SCARA3: variants seen among roughly 807,000 people sequenced by gnomAD.
The protein encoded by SCARA3 is scavenger receptor class A member 3.
A neutral mutation model predicts 47.0 loss-of-function variants in SCARA3; 39 were observed. That is an observed-to-expected ratio of 0.83 (90% CI 0.64 to 1.08). The LOEUF is 1.08. Among genes scored for constraint, SCARA3 ranks in the 50% least tolerant of loss-of-function variants. The pLI is 0.00. For missense variants in SCARA3, 724 were observed against 792.3 expected (o/e 0.91, Z 1.04); for synonymous variants, 356 against 334.1 (o/e 1.07, Z -0.71).
chr8:27,687,217 T>G, the SCARA3 span, among the ~76,000 whole-genome samples: 75 of 152,278 alleles, frequency 4.9e-4, no homozygotes, highest in African/African-American at 1.7e-3. Context: ...CTTCTCTGGG[T>G]TGCTAATTTA....
chr8:27,672,096 C>T lies in SCARA3; in HGVS notation c.*745C>T. The T allele has an allele frequency of 1.0e-6, 1 of 985,464 alleles. No individual in the cohort carries two copies. Among genetic ancestry groups the T allele is most frequent in the Non-Finnish European group, 1.2e-6 (1 of 829,964 alleles). The allele number at this position is 985,464 out of a possible 1,614,324, so 61.0% of individuals were successfully genotyped here. ...CAAAGTGGACCTGGCAACCACAAGA[C>T]CCTCCCCATAAGCAGGGGACCAGCA... On this transcript the variant is annotated 3_prime_UTR_variant, in exon 6 of 6. Transcript: ENST00000301904.
chr8:27,656,825 C>T lies in SCARA3; in HGVS notation c.270C>T (p.Thr90=), dbSNP rs1801753366. 6.2e-7 allele frequency: 1 copy of T among 1,613,360 alleles called. No homozygotes were observed. The highest frequency in any genetic ancestry group is 2.2e-5 in the East Asian group (1 of 44,886). Residue 90 remains threonine, a synonymous_variant, in exon 4 of 6, where the codon ACC becomes ACT. Coordinates refer to ENST00000301904, the MANE Select transcript of SCARA3 (RefSeq NM_016240.3). ...CTCTCTCCGAAGACATCTCCTTGAC[C>T]CAGTCTATTTATGACAAGAAGCTTG... is the stretch of plus-strand genomic sequence containing the variant. ...VDSLSEDISL[T]QSIYDKKLVL... is the part of the protein sequence containing the mutation.
At chr8:27,674,358 G>T (rs1235276380), downstream of SCARA3, among the ~76,000 whole-genome samples, 2 of 152,162 alleles carry the variant, frequency 1.3e-5, no homozygotes, top group Non-Finnish European at 2.9e-5. Context: ...AACGGGGCAG[G>T]TTGTGCTTCT....
At chr8:27,725,315 T>C in the SCARA3 span, among the ~76,000 whole-genome samples, 2 of 151,818 alleles carry the variant, frequency 1.3e-5, no homozygotes, top group Admixed American at 1.3e-4. Context: ...AAATGGGACT[T>C]TGAGGAAGGA....
chr8:27,664,962 AGG>A (rs1801985369), intron 5 of SCARA3, among the ~76,000 whole-genome samples: 1 of 152,240 alleles, frequency 6.6e-6, no homozygotes, highest in Admixed American at 6.5e-5. Context: ...AGCAAATTTC[AGG>A]GACACAGTGC....
rs375605217 is a variant in SCARA3 at position 27,658,448 on chromosome 8, G to A, written c.326-48G>A. On this transcript the variant is annotated intron_variant, in intron 4 of 5. Coordinates refer to ENST00000301904, the MANE Select transcript of SCARA3 (RefSeq NM_016240.3). Reference sequence around the variant, plus strand: ...ATATTTAATTTAAAGAGGAAGCGTCGTACCCTGGCCCTTCAGCAACTCAAA... The same window carrying A: ...ATATTTAATTTAAAGAGGAAGCGTCATACCCTGGCCCTTCAGCAACTCAAA... 96 of 1,491,120 alleles carry A rather than the reference G, an allele frequency of 6.4e-5. No individual in the cohort carries two copies. The African/African-American group carries it at 7.0e-4, about 11-fold the overall frequency. The allele number at this position is 1,491,120 out of a possible 1,614,324, so 92.4% of individuals were successfully genotyped here.
chr8:27,648,040 T>C (rs966212153), intron 1 of SCARA3, among the ~76,000 whole-genome samples: 2 of 152,246 alleles, frequency 1.3e-5, no homozygotes, highest in Non-Finnish European at 2.9e-5. Context: ...CCTCTTCTTG[T>C]CTACCCGCTG....
downstream of SCARA3, among the ~76,000 whole-genome samples, chr8:27,673,862 G>A (rs1282327800): frequency 6.6e-6 from 1 of 152,132 alleles, no homozygotes; most frequent in Non-Finnish European, 1.5e-5. Flanking sequence ...CACGCTCCCT[G>A]AACTGTGAGA....
At chr8:27,666,455 G>A (rs895480213) in intron 5 of SCARA3, among the ~76,000 whole-genome samples, 4 of 152,210 alleles carry the variant, frequency 2.6e-5, no homozygotes, top group African/African-American at 7.2e-5. Context: ...ATCGTAAGCA[G>A]AAGTCGAAGC....
At chr8:27,713,409 G>A in the SCARA3 span, among the ~76,000 whole-genome samples, 1 of 152,210 alleles carries the variant, frequency 6.6e-6, no homozygotes, top group African/African-American at 2.4e-5. Context: ...TTCCTTTGTA[G>A]AGTAACTCTT....
chr8:27,681,755 G>A (rs1409800897), downstream of SCARA3, among the ~76,000 whole-genome samples: 2 of 152,258 alleles, frequency 1.3e-5, no homozygotes, highest in South Asian at 2.1e-4. Context: ...TACATATAAA[G>A]TTAAAAAGCA....
chr8:27,646,799 G>A, intron 1 of SCARA3, among the ~76,000 whole-genome samples: 1 of 152,120 alleles, frequency 6.6e-6, no homozygotes, highest in East Asian at 1.9e-4. Flanking sequence ...CATAATCCTG[G>A]TGACTGCCCA....
the SCARA3 span, chr8:27,697,250 C>A: frequency 9.0e-6 from 2 of 221,152 alleles, no homozygotes; most frequent in Admixed American, 4.1e-5. Flanking sequence ...TTAGTGAGAG[C>A]ATGCATGATG....
At chr8:27,729,988 G>A in the SCARA3 span, among the ~76,000 whole-genome samples, 1 of 152,044 alleles carries the variant, frequency 6.6e-6, no homozygotes, top group African/African-American at 2.4e-5. Context: ...AGAGGTGCCA[G>A]GGCCCTGGGA....
At chr8:27,706,733 G>A in the SCARA3 span, among the ~76,000 whole-genome samples, 1 of 152,276 alleles carries the variant, frequency 6.6e-6, no homozygotes, top group Non-Finnish European at 1.5e-5. Context: ...TGGGGACTGA[G>A]TGGATGTTGC....
At chr8:27,643,744 T>G (rs1468779376) in intron 1 of SCARA3, among the ~76,000 whole-genome samples, 1 of 152,190 alleles carries the variant, frequency 6.6e-6, no homozygotes, top group Non-Finnish European at 1.5e-5. Context: ...CTGCAGAAGA[T>G]AATTATCAAA....
intron 1 of SCARA3, among the ~76,000 whole-genome samples, chr8:27,643,024 C>T (rs891765756): frequency 1.3e-5 from 2 of 152,030 alleles, no homozygotes; most frequent in African/African-American, 4.8e-5. Flanking sequence ...CACCAGCCTG[C>T]GAGCAGGTAT....
chr8:27,677,699 T>A (rs568245854), downstream of SCARA3, among the ~76,000 whole-genome samples: 1 of 152,268 alleles, frequency 6.6e-6, no homozygotes, highest in Non-Finnish European at 1.5e-5. Flanking sequence ...GTGGGCCAAT[T>A]TGACCTAATA....
rs1349284077 is a variant in SCARA3 at position 27,636,775 on chromosome 8, G to C, written c.7+2568G>C. 1.3e-5 allele frequency among the ~76,000 whole-genome samples: 2 copies of C among 152,312 alleles called. 1 individual carries two copies. The highest frequency in any genetic ancestry group is 2.9e-5 in the Non-Finnish European group (2 of 68,024). On this transcript the variant is annotated intron_variant, in intron 1 of 5. Transcript: ENST00000301904. The stretch of plus-strand genomic sequence containing the variant: ...ACATCACAGGGGCTGCATGGGCTGC[G>C]GGGCTGGGGGCTGACTTCCAGCACT...
Sources: allele counts gnomAD v4.1 joint callset (sites outside exome capture counted in the v4.1 genomes callset), GRCh38; gene constraint gnomAD v4.1.1; transcripts MANE v1.5; gene names NCBI Gene and HGNC (gene_info 2026-07-23, HGNC 2026-07-21).